Variants in VPS13C observed in about 807,000 individuals in gnomAD.
VPS13C encodes the protein vacuolar protein sorting 13 homolog C, also known as intermembrane lipid transfer protein VPS13C.
VPS13C carries 358 observed loss-of-function variants against 456.8 expected under a neutral mutation model. That is an observed-to-expected ratio of 0.78 (90% CI 0.72 to 0.86). The LOEUF (loss-of-function observed/expected upper bound fraction) is 0.86, where lower values mean the gene tolerates loss of function less well. Among genes scored for constraint, VPS13C ranks in the 40% least tolerant of loss-of-function variants. The pLI, the probability that VPS13C is intolerant of heterozygous loss-of-function variation, is 0.00. For synonymous variants in VPS13C, 1,578 were observed against 1,486.7 expected (o/e 1.06, Z -1.41); for missense variants, 4,818 against 4,385.4 (o/e 1.10, Z -2.79).
At chr15:62,028,217 T>G in intron 6 of VPS13C, 141 bp downstream of exon 6, 1 of 740,020 alleles carries the variant, frequency 1.4e-6, no homozygotes, top group Non-Finnish European at 2.2e-6. Context: ...GAAAAGGAAA[T>G]GATGGTAGAG....
intron 4 of VPS13C, among the ~76,000 whole-genome samples, chr15:62,033,915 A>G (rs1360204406): frequency 3.3e-5 from 5 of 151,562 alleles, no homozygotes; most frequent in African/African-American, 1.2e-4. Flanking sequence ...TGGGATCAAT[A>G]TACACTGATT....
intron 47 of VPS13C, among the ~76,000 whole-genome samples, chr15:61,938,264 TGTGGG>T (rs2044292999): frequency 9.7e-6 from 1 of 102,938 alleles, no homozygotes; most frequent in African/African-American, 3.5e-5. Flanking sequence ...TTCACTTTGC[TGTGGG>T]GTGGGGGGGG....
intron 1 of VPS13C, among the ~76,000 whole-genome samples, chr15:62,056,761 A>C (rs937264925): frequency 9.9e-5 from 15 of 152,166 alleles, no homozygotes; most frequent in African/African-American, 4.8e-5. Context: ...TGCCTTCTAG[A>C]TAGCAGTAGT....
chr15:61,990,977 C>T lies in VPS13C; in HGVS notation c.1578+23G>A, dbSNP rs772541810. On this transcript the variant is annotated intron_variant, in intron 18 of 84. Transcript: ENST00000644861. ...AATATAGTACAATGAGACAAAATTC[C>T]TTTAAACCACTTAAATAATTACCTG... is the stretch of plus-strand genomic sequence containing the variant. The T allele has an allele frequency of 1.7e-5, 26 of 1,556,740 alleles. No homozygotes were observed. The South Asian group carries it at 2.8e-4, about 17-fold the overall frequency.
At position 61,929,594 on chromosome 15, in the gene VPS13C, T is replaced by C; in HGVS notation, c.6193A>G (p.Ile2065Val). The change falls in exon 51 of 85, where the codon ATC (isoleucine) becomes GTC (valine). Residue 2065 changes from isoleucine (I) to valine (V), a missense_variant. This residue lies in a region of VPS13C where 4,552 missense variants were observed against 4,130.6 expected (regional missense o/e 1.10). Transcript: ENST00000644861. ...TCTGGACTCTGAGGCACAGCTTTGA[T>C]AAAGAAATCTGCCACAGTCATCAGA... ...EFLMTVADFF[I>V]KAVPQSPENV... is the part of the protein sequence containing the mutation. 6.2e-7 allele frequency: 1 copy of C among 1,614,104 alleles called. No homozygotes were observed. The highest frequency in any genetic ancestry group is 8.5e-7 in the Non-Finnish European group (1 of 1,180,006).
At chr15:61,982,632 C>T in intron 20 of VPS13C, 59 bp from the exon 21 acceptor site, 1 of 1,247,530 alleles carries the variant, frequency 8.0e-7, no homozygotes, top group Non-Finnish European at 1.1e-6. Flanking sequence ...ATATTGTAAA[C>T]TTCAAAGTTT....
chr15:61,974,171 T>C, intron 25 of VPS13C, 117 bp downstream of exon 25: 3 of 1,055,278 alleles, frequency 2.8e-6, no homozygotes, highest in Non-Finnish European at 3.8e-6. Flanking sequence ...AAAGACATTT[T>C]ACTTTCATTT....
At chr15:61,888,767 C>T (rs1341587418) in intron 67 of VPS13C, among the ~76,000 whole-genome samples, 3 of 152,216 alleles carry the variant, frequency 2.0e-5, no homozygotes, top group African/African-American at 7.2e-5. Context: ...TTATATAATA[C>T]TGTAATGGTG....
chr15:62,055,824 C>T lies in VPS13C; in HGVS notation c.100+4451G>A, dbSNP rs968814133. ...AATTTTTTCAGCACCCAGTAGGTCC[C>T]TTACAAATGCAGAAGACAATCTCAG... is the stretch of plus-strand genomic sequence containing the variant. On this transcript the variant is annotated intron_variant, in intron 1 of 84. Coordinates refer to ENST00000644861, the MANE Select transcript of VPS13C (RefSeq NM_020821.3). Among the ~76,000 whole-genome samples, 4 of 152,258 alleles carry T rather than the reference C, an allele frequency of 2.6e-5. No homozygotes were observed. The East Asian group carries it at 5.8e-4, about 22-fold the overall frequency.
At chr15:61,924,917 A>T (rs2043794441) in intron 53 of VPS13C, among the ~76,000 whole-genome samples, 1 of 152,206 alleles carries the variant, frequency 6.6e-6, no homozygotes, top group East Asian at 1.9e-4. Context: ...AGGTATACTT[A>T]AAGAACCTGA....
chr15:62,011,920 TCCAGTGGTGTGTG>T (rs2047053256), intron 12 of VPS13C, among the ~76,000 whole-genome samples, 174 bp downstream of exon 12: 1 of 151,940 alleles, frequency 6.6e-6, no homozygotes, highest in Non-Finnish European at 1.5e-5. Context: ...TCTCTTATTC[TCCAGTGGTGTGTG>T]TTACGATCTA....
chr15:61,912,308 A>T (rs1360994001), intron 62 of VPS13C, among the ~76,000 whole-genome samples: 1 of 152,208 alleles, frequency 6.6e-6, no homozygotes, highest in Admixed American at 6.5e-5. Flanking sequence ...TTGCTTTATA[A>T]TTAGTGTACA....
Position 62,025,153 on chromosome 15 carries a change from T to A in VPS13C, c.449-1308A>T, listed in dbSNP as rs75317035. 9.7e-3 allele frequency among the ~76,000 whole-genome samples: 1,480 copies of A among 152,174 alleles called. 29 individuals are homozygous for A. The highest frequency in any genetic ancestry group is 0.034 in the African/African-American group (1,418 of 41,536). On this transcript the variant is annotated intron_variant, in intron 6 of 84. Coordinates refer to ENST00000644861, the MANE Select transcript of VPS13C (RefSeq NM_020821.3). Reference sequence around the variant, plus strand: ...TATCTGTTCAAATGAATAAAAAAAATTCAGATCCAACTAAATTCATGTTAT... The same window carrying A: ...TATCTGTTCAAATGAATAAAAAAAAATCAGATCCAACTAAATTCATGTTAT...
intron 10 of VPS13C, among the ~76,000 whole-genome samples, chr15:62,013,468 A>G (rs2047117705): frequency 1.3e-5 from 2 of 151,952 alleles, no homozygotes; most frequent in Non-Finnish European, 1.5e-5. Flanking sequence ...TGTTTCCTGA[A>G]AACAGGTGGT....
chr15:61,974,533 A>C, intron 24 of VPS13C, 116 bp from the exon 25 acceptor site: 1 of 1,010,414 alleles, frequency 9.9e-7, no homozygotes, highest in Non-Finnish European at 1.4e-6. Context: ...GTTTTAATCT[A>C]ATTACACTAA....
At chr15:61,913,441 T>C (rs1208866120) in intron 61 of VPS13C, 26 bp from the exon 62 acceptor site, 1 of 1,576,522 alleles carries the variant, frequency 6.3e-7, no homozygotes, top group Non-Finnish European at 8.7e-7. Context: ...CATATCGTCA[T>C]ATAAGAAATC....
At chr15:61,888,048 T>C (rs1346196541) in intron 67 of VPS13C, among the ~76,000 whole-genome samples, 2 of 152,126 alleles carry the variant, frequency 1.3e-5, no homozygotes, top group African/African-American at 2.4e-5. Context: ...TTTGAACAGG[T>C]GGCTCAGGAA....
chr15:61,888,761 A>G (rs1896454145), intron 67 of VPS13C, among the ~76,000 whole-genome samples: 1 of 152,188 alleles, frequency 6.6e-6, no homozygotes, highest in African/African-American at 2.4e-5. Flanking sequence ...ACTATCTTAT[A>G]TAATACTGTA....
chr15:62,031,270 T>TA (rs1274478085), intron 5 of VPS13C, among the ~76,000 whole-genome samples: 3 of 152,086 alleles, frequency 2.0e-5, no homozygotes, highest in Admixed American at 6.6e-5. Flanking sequence ...ATCTGCTACT[T>TA]AGAGTTGAAT....
Sources: gnomAD v4.1 joint callset for allele counts (sites outside exome capture counted in the v4.1 genomes callset) on GRCh38, gnomAD v4.1.1 for gene constraint, gnomAD v4.1.1 regional missense constraint, MANE v1.5 for transcripts, NCBI Gene and HGNC (gene_info 2026-07-23, HGNC 2026-07-21) for gene names.